The following AMOTL1 variants were observed in gnomAD, a reference collection of about 807,000 sequenced individuals.
AMOTL1 encodes the protein angiomotin like 1.
In AMOTL1, 45 loss-of-function variants were observed where a neutral mutation model predicts 102.9. That is an observed-to-expected ratio of 0.44 (90% CI 0.34 to 0.56). AMOTL1 has a LOEUF of 0.56. AMOTL1 is among the 20% of genes least tolerant of loss of function. The pLI, the probability that AMOTL1 is intolerant of heterozygous loss-of-function variation, is 0.01. For synonymous variants in AMOTL1, 481 were observed against 484.7 expected (o/e 0.99, Z 0.10); for missense variants, 1,114 against 1,225.6 (o/e 0.91, Z 1.36).
At chr11:94,810,445 T>C (rs1951654408) in intron 3 of AMOTL1, among the ~76,000 whole-genome samples, 1 of 150,090 alleles carries the variant, frequency 6.7e-6, no homozygotes. Context: ...CTACTCTCTT[T>C]CTTACTTTAA....
chr11:94,815,500 A>C (rs1951749734), intron 3 of AMOTL1, among the ~76,000 whole-genome samples: 1 of 152,134 alleles, frequency 6.6e-6, no homozygotes, highest in East Asian at 1.9e-4. Flanking sequence ...TAGTGGAATA[A>C]ATGCCTATAA....
At chr11:94,790,256 A>AAGTACAC (rs1169346168) in intron 1 of AMOTL1, among the ~76,000 whole-genome samples, 1 of 152,218 alleles carries the variant, frequency 6.6e-6, no homozygotes, top group Non-Finnish European at 1.5e-5. Context: ...AGAAATTAGC[A>AAGTACAC]AGTACACAGT....
chr11:94,763,552 A>G (rs1950820680), upstream of AMOTL1, among the ~76,000 whole-genome samples: 1 of 152,208 alleles, frequency 6.6e-6, no homozygotes, highest in African/African-American at 2.4e-5. Context: ...TGACTCCCCA[A>G]AAACTTAACT....
At chr11:94,708,985 G>A (rs1349253830) in intron 1 of AMOTL1, among the ~76,000 whole-genome samples, 2 of 152,108 alleles carry the variant, frequency 1.3e-5, no homozygotes, top group Admixed American at 6.6e-5. Context: ...TTTAAAAATC[G>A]TTGGTTGAAG....
intron 1 of AMOTL1, among the ~76,000 whole-genome samples, chr11:94,790,774 G>C (rs767197541): frequency 6.6e-6 from 1 of 152,124 alleles, no homozygotes; most frequent in Non-Finnish European, 1.5e-5. Context: ...ACAGTTTCAC[G>C]TCCTCCAGGG....
chr11:94,751,547 A>G (rs1483507418), intron 3 of AMOTL1, among the ~76,000 whole-genome samples: 1 of 152,134 alleles, frequency 6.6e-6, no homozygotes, highest in African/African-American at 2.4e-5. Flanking sequence ...TGTAAAATTG[A>G]TCACCACTCC....
At chr11:94,777,273 G>A (rs912479552) in intron 1 of AMOTL1, among the ~76,000 whole-genome samples, 58 of 152,168 alleles carry the variant, frequency 3.8e-4, no homozygotes, top group African/African-American at 1.2e-3. Context: ...TTATCTTCCC[G>A]TGGTATTGAC....
At chr11:94,830,661 A>G (rs1211231997) in intron 5 of AMOTL1, among the ~76,000 whole-genome samples, 3 of 152,336 alleles carry the variant, frequency 2.0e-5, no homozygotes, top group East Asian at 3.9e-4. Context: ...GGGGGGAAAA[A>G]GTCCCCACAG....
At chr11:94,712,494 T>C in intron 1 of AMOTL1, among the ~76,000 whole-genome samples, 1 of 152,034 alleles carries the variant, frequency 6.6e-6, no homozygotes, top group Non-Finnish European at 1.5e-5. Context: ...TTGGACCTAA[T>C]TAAACTAAAG....
chr11:94,795,218 C>G (rs746471872), intron 2 of AMOTL1, 58 bp downstream of exon 2: 2 of 1,581,464 alleles, frequency 1.3e-6, no homozygotes, highest in Admixed American at 3.5e-5. Flanking sequence ...CGTTTCTCAT[C>G]TTTAGCTCTT....
In AMOTL1 at chr11:94,715,098, G is replaced by A. The variant is rs781095863; in HGVS notation, c.-51+8501G>A. On this transcript the variant is annotated intron_variant, in intron 1 of 4. Transcript: ENST00000299004. ...TAAGTTGTATTTAGTCTGTAAAAAC[G>A]CCCTTTGAGACTTTCTCATTTACCT... 6.6e-5 allele frequency among the ~76,000 whole-genome samples: 10 copies of A among 151,976 alleles called. No homozygotes were observed. In the South Asian group the frequency reaches 8.3e-4, roughly 13 times the overall value.
rs6483368 is a variant in AMOTL1, at chr11:94,868,348, G to A, written c.2489-850G>A. Among the ~76,000 whole-genome samples the A allele has an allele frequency of 9.0e-3, 1,375 of 152,246 alleles. 17 individuals are homozygous for A. The highest frequency in any genetic ancestry group is 0.03 in the African/African-American group (1,256 of 41,526). Reference sequence around the variant, plus strand: ...CATTCTAGGGTGCTGGCACTTTCCCGCGTGTGTGCTGTATTTAAAAATAAA... The same window carrying A: ...CATTCTAGGGTGCTGGCACTTTCCCACGTGTGTGCTGTATTTAAAAATAAA... On this transcript the variant is annotated intron_variant, in intron 11 of 12. Transcript: ENST00000433060.
At chr11:94,744,314 C>T (rs1950564388) in intron 3 of AMOTL1, among the ~76,000 whole-genome samples, 1 of 152,174 alleles carries the variant, frequency 6.6e-6, no homozygotes, top group Admixed American at 6.5e-5. Context: ...TATAAATGAA[C>T]AGCTGGATGA....
In AMOTL1 at chr11:94,870,642, G is replaced by GC. The variant is rs776520510; in HGVS notation, c.2765-43dup. 2.7e-6 allele frequency: 4 copies of GC among 1,480,610 alleles called. No individual in the cohort carries two copies. In the South Asian group the frequency reaches 4.9e-5, roughly 18 times the overall value. The allele number at this position is 1,480,610 out of a possible 1,614,324, so 91.7% of individuals were successfully genotyped here. On this transcript the variant is annotated intron_variant, in intron 12 of 12. Transcript: ENST00000433060. Reference sequence around the variant, plus strand: ...ATTTTAGAGAACCTGGAAAGCCTATGCCCCTCCTGAGGAATGGGCAGCTGA... The same window carrying GC: ...ATTTTAGAGAACCTGGAAAGCCTATGCCCCCTCCTGAGGAATGGGCAGCTGA...
rs1315438107 is a variant in AMOTL1 at position 94,724,208 on chromosome 11, A to G, written c.-50-4713A>G. On this transcript the variant is annotated intron_variant, in intron 1 of 4. Coordinates refer to the AMOTL1 transcript ENST00000299004. Reference sequence around the variant, plus strand: ...CCTCTACTTGTAACCAAGATGGACTATTCCTTCTGATTCCTGACTCACTGA... The same window carrying G: ...CCTCTACTTGTAACCAAGATGGACTGTTCCTTCTGATTCCTGACTCACTGA... 1.2e-4 allele frequency among the ~76,000 whole-genome samples: 19 copies of G among 152,154 alleles called. 1 individual carries two copies. Among genetic ancestry groups the G allele is most frequent in the Admixed American group, 1.2e-3 (19 of 15,270 alleles).
At chr11:94,860,922 A>G (rs372268427) in intron 9 of AMOTL1, among the ~76,000 whole-genome samples, 3 of 152,284 alleles carry the variant, frequency 2.0e-5, no homozygotes, top group African/African-American at 7.2e-5. Context: ...TCTCAGGCTC[A>G]TTATCGACGT....
At chr11:94,716,118 C>G (rs1950092002) in intron 1 of AMOTL1, among the ~76,000 whole-genome samples, 2 of 152,048 alleles carry the variant, frequency 1.3e-5, no homozygotes. Flanking sequence ...TCTGTCTTAT[C>G]ATCATCACTC....
chr11:94,876,438 C>G lies in AMOTL1; in HGVS notation c.*5643C>G, dbSNP rs1184528480. On this transcript the variant is annotated 3_prime_UTR_variant, in exon 13 of 13. Coordinates refer to ENST00000433060, the MANE Select transcript of AMOTL1 (RefSeq NM_130847.3). ...GCTCGTGCCGGCTCTTCCCAGCAGA[C>G]TGGTATCTGGCTGTAACGTTTGACG... 1 of 152,600 alleles carries G rather than the reference C, an allele frequency of 6.6e-6. No homozygotes were observed. Among genetic ancestry groups the G allele is most frequent in the Non-Finnish European group, 1.5e-5 (1 of 68,082 alleles). The allele number at this position is 152,600 out of a possible 1,614,324, so 9.5% of individuals were successfully genotyped here.
chr11:94,711,333 T>C (rs953831697), intron 1 of AMOTL1, among the ~76,000 whole-genome samples: 1 of 152,172 alleles, frequency 6.6e-6, no homozygotes, highest in African/African-American at 2.4e-5. Context: ...CATGAGTCTA[T>C]GAGTGCCCCC....
Sources: gnomAD v4.1 joint callset for allele counts (sites outside exome capture counted in the v4.1 genomes callset) on GRCh38, gnomAD v4.1.1 for gene constraint, MANE v1.5 for transcripts, NCBI Gene and HGNC (gene_info 2026-07-23, HGNC 2026-07-21) for gene names.